Variants in WWOX observed in about 807,000 individuals in gnomAD.
The protein encoded by WWOX is WW domain-containing oxidoreductase.
In WWOX, 69 loss-of-function variants were observed where a neutral mutation model predicts 46.2. The observed-to-expected ratio is 1.49, with a 90% confidence interval of 1.23 to 1.82. The LOEUF is 1.82. Among genes scored for constraint, WWOX ranks in the 40% most tolerant of loss-of-function variants. WWOX has a pLI of 0.00. For synonymous variants in WWOX, 359 were observed against 202.6 expected (o/e 1.77, Z -6.56); for missense variants, 919 against 542.6 (o/e 1.69, Z -6.89).
At chr16:78,675,503 C>A (rs546634436) in intron 8 of WWOX, among the ~76,000 whole-genome samples, 4 of 152,214 alleles carry the variant, frequency 2.6e-5, no homozygotes, top group East Asian at 1.9e-4. Flanking sequence ...TAAGCACTTA[C>A]AACTAGTGAC....
At chr16:78,831,621 C>G (rs2051828455) in intron 8 of WWOX, among the ~76,000 whole-genome samples, 1 of 152,162 alleles carries the variant, frequency 6.6e-6, no homozygotes, top group Non-Finnish European at 1.5e-5. Context: ...GTCACTCAGT[C>G]TTTCTTTTCT....
chr16:79,095,747 G>A (rs1218136546), intron 8 of WWOX, among the ~76,000 whole-genome samples: 1 of 151,864 alleles, frequency 6.6e-6, no homozygotes, highest in Non-Finnish European at 1.5e-5. Flanking sequence ...AGAGGAGCAA[G>A]GGACAAACCT....
chr16:78,582,226 A>C (rs1301072762), intron 8 of WWOX, among the ~76,000 whole-genome samples: 8 of 152,214 alleles, frequency 5.3e-5, no homozygotes, highest in African/African-American at 1.7e-4. Flanking sequence ...ATACATGGCC[A>C]AAGTGTGTCA....
chr16:78,427,605 G>T (rs1216525992), intron 7 of WWOX, among the ~76,000 whole-genome samples: 1 of 151,636 alleles, frequency 6.6e-6, no homozygotes, highest in Non-Finnish European at 1.5e-5. Context: ...AATTATTTTA[G>T]GCGGGAATTT....
chr16:78,123,414 A>G (rs1336839855), intron 4 of WWOX: 1 of 81,256 alleles, frequency 1.2e-5, no homozygotes, highest in South Asian at 4.0e-4. Context: ...TGGTGACCCT[A>G]TGTTTTTTTC....
chr16:78,862,959 G>GTTTTTTT (rs35529711), intron 8 of WWOX, among the ~76,000 whole-genome samples: 1 of 133,636 alleles, frequency 7.5e-6, no homozygotes, highest in Non-Finnish European at 1.6e-5. Flanking sequence ...GTTATGCCAA[G>GTTTTTTT]TTTTTTTTTT....
intron 4 of WWOX, among the ~76,000 whole-genome samples, chr16:78,132,502 G>T (rs1049572404): frequency 6.6e-6 from 1 of 152,112 alleles, no homozygotes; most frequent in Non-Finnish European, 1.5e-5. Context: ...CGCTTCCATT[G>T]CTTGCCTTTT....
intron 6 of WWOX, among the ~76,000 whole-genome samples, chr16:78,399,602 G>C (rs535743428): frequency 1.4e-4 from 22 of 152,282 alleles, no homozygotes; most frequent in African/African-American, 5.1e-4. Context: ...CATCAATGCA[G>C]CAAATCCCCG....
At chr16:78,206,360 G>A (rs1013129045) in intron 5 of WWOX, among the ~76,000 whole-genome samples, 21 of 152,010 alleles carry the variant, frequency 1.4e-4, no homozygotes, top group African/African-American at 4.8e-4. Flanking sequence ...CCATTAGAAA[G>A]GAGGAGGAGA....
At chr16:79,012,858 C>T (rs62040076) in intron 8 of WWOX, among the ~76,000 whole-genome samples, 5,160 of 152,294 alleles carry the variant, frequency 0.034, 133 homozygotes, top group Non-Finnish European at 0.054. Context: ...GACTGGGCTG[C>T]TGTTTGTAAG....
rs2046280137 is a variant in WWOX, at chr16:78,962,000, G to GCCAGGACC, written c.1057-249608_1057-249607insCCAGGACC. On this transcript the variant is annotated intron_variant, in intron 8 of 8. Coordinates refer to ENST00000566780, the MANE Select transcript of WWOX (RefSeq NM_016373.4). ...GCCTTAAACAGATCCCTTGTCTCTT[G>GCCAGGACC]TCAGGACCTCCTTCCAGGCTGCTCC... Among the ~76,000 whole-genome samples, 4 of 152,088 alleles carry GCCAGGACC rather than the reference G, an allele frequency of 2.6e-5. No homozygotes were observed. The South Asian group carries it at 8.3e-4, about 32-fold the overall frequency.
At chr16:78,602,483 C>A (rs532853276) in intron 8 of WWOX, among the ~76,000 whole-genome samples, 36 of 152,306 alleles carry the variant, frequency 2.4e-4, no homozygotes, top group African/African-American at 7.5e-4. Context: ...CCACCCACCT[C>A]GGCCTCTCAA....
chr16:78,269,918 T>TG (rs2079441034), intron 5 of WWOX, among the ~76,000 whole-genome samples: 1 of 151,404 alleles, frequency 6.6e-6, no homozygotes, highest in South Asian at 2.1e-4. Flanking sequence ...AAGGAAGTTT[T>TG]TTTTTTTTTT....
At position 78,099,861 on chromosome 16, in the gene WWOX, A is replaced by C; in HGVS notation, c.83A>C (p.Lys28Thr). 1.9e-6 allele frequency: 3 copies of C among 1,577,260 alleles called. No homozygotes were observed. The highest frequency in any genetic ancestry group is 2.6e-6 in the Non-Finnish European group (3 of 1,162,280). Residue 28 changes from lysine to threonine, a missense_variant, in exon 1 of 9, where the codon AAG becomes ACG. Transcript: ENST00000566780. ...CCGGGCTGGGAGGAGAGAACCACCA[A>C]GGACGGCTGGGTTTACTACGCCAAG... Reference protein sequence around the residue: ...LPPGWEERTTKDGWVYYANHT... With the variant: ...LPPGWEERTTTDGWVYYANHT...
intron 8 of WWOX, among the ~76,000 whole-genome samples, chr16:78,725,675 G>C (rs187280809): frequency 8.8e-4 from 134 of 152,062 alleles, no homozygotes; most frequent in African/African-American, 3.1e-3. Flanking sequence ...GGGTTGGATG[G>C]CTTAAAACAA....
chr16:78,413,662 A>G (rs891750246), intron 6 of WWOX, among the ~76,000 whole-genome samples: 4 of 151,640 alleles, frequency 2.6e-5, no homozygotes, highest in African/African-American at 9.7e-5. Flanking sequence ...CGAGCAGGTC[A>G]CTGGGGATAT....
chr16:78,419,028 A>C (rs762164562), intron 6 of WWOX, among the ~76,000 whole-genome samples: 1 of 152,228 alleles, frequency 6.6e-6, no homozygotes, highest in Non-Finnish European at 1.5e-5. Flanking sequence ...TTGCAAATGA[A>C]ATCACCTTAT....
At chr16:78,143,166 T>TAG (rs1205832127) in intron 4 of WWOX, among the ~76,000 whole-genome samples, 1 of 152,262 alleles carries the variant, frequency 6.6e-6, no homozygotes, top group Non-Finnish European at 1.5e-5. Flanking sequence ...ATTGAATACT[T>TAG]AGAAAATTTG....
intron 8 of WWOX, among the ~76,000 whole-genome samples, chr16:79,080,333 C>G (rs2048736771): frequency 6.6e-6 from 1 of 151,736 alleles, no homozygotes; most frequent in African/African-American, 2.4e-5. Context: ...TGCCACGAAT[C>G]AGCTATTTGT....
Sources: allele counts gnomAD v4.1 joint callset (sites outside exome capture counted in the v4.1 genomes callset), GRCh38; gene constraint gnomAD v4.1.1; transcripts MANE v1.5; gene names NCBI Gene and HGNC (gene_info 2026-07-23, HGNC 2026-07-21).